The following CMTM8 variants were observed in gnomAD, a reference collection of about 807,000 sequenced individuals.
The protein encoded by CMTM8 is CKLF-like MARVEL transmembrane domain-containing protein 8.
CMTM8 carries 12 observed loss-of-function variants against 18.6 expected under a neutral mutation model. That is an observed-to-expected ratio of 0.65 (90% confidence interval 0.41 to 1.05). CMTM8 has a LOEUF of 1.05. Ranked by LOEUF, CMTM8 falls within the 50% of genes least tolerant of loss-of-function variation. The pLI, the probability that CMTM8 is intolerant of heterozygous loss-of-function variation, is 0.00. For synonymous variants in CMTM8, 87 were observed against 90.6 expected, an observed-to-expected ratio of 0.96 and a Z score of 0.23; for missense variants, 217 against 227.2, an observed-to-expected ratio of 0.95 and a Z score of 0.29.
At chr3:32,293,056 GA>G (rs1361538585) in intron 1 of CMTM8, among the ~76,000 whole-genome samples, 11 of 143,100 alleles carry the variant, frequency 7.7e-5, no homozygotes, top group Admixed American at 2.2e-4. Context: ...CAGAATATAT[GA>G]TGTGTGTATA....
intron 1 of CMTM8, among the ~76,000 whole-genome samples, chr3:32,274,639 C>T (rs2125545726): frequency 6.6e-6 from 1 of 152,186 alleles, no homozygotes. Context: ...TCCTGCATAA[C>T]CACAGTGTAA....
At chr3:32,310,917 G>A (rs1375396048) in intron 1 of CMTM8, among the ~76,000 whole-genome samples, 1 of 152,138 alleles carries the variant, frequency 6.6e-6, no homozygotes, top group African/African-American at 2.4e-5. Context: ...TAATATTTCA[G>A]TAATTAATGA....
intron 1 of CMTM8, among the ~76,000 whole-genome samples, chr3:32,296,765 T>TG (rs1702886005): frequency 6.6e-6 from 1 of 152,170 alleles, no homozygotes; most frequent in Non-Finnish European, 1.5e-5. Flanking sequence ...GTTCCATGGG[T>TG]GGGGGCCTCC....
chr3:32,363,977 T>C (rs1453035810), intron 2 of CMTM8, among the ~76,000 whole-genome samples: 1 of 152,226 alleles, frequency 6.6e-6, no homozygotes, highest in Non-Finnish European at 1.5e-5. Context: ...CAATCTCTTC[T>C]GTCAAGCATG....
At chr3:32,245,822 T>TA (rs1384420436) in intron 1 of CMTM8, among the ~76,000 whole-genome samples, 3 of 152,158 alleles carry the variant, frequency 2.0e-5, no homozygotes, top group Non-Finnish European at 4.4e-5. Context: ...TACTTTGAGA[T>TA]AGAGTCTTGT....
chr3:32,362,277 A>T (rs1696951039), intron 2 of CMTM8, among the ~76,000 whole-genome samples: 1 of 151,946 alleles, frequency 6.6e-6, no homozygotes. Flanking sequence ...TCCTGACCTC[A>T]GGTAATCTGC....
intron 1 of CMTM8, among the ~76,000 whole-genome samples, chr3:32,305,309 C>T (rs762624432): frequency 1.3e-4 from 20 of 150,004 alleles, no homozygotes; most frequent in Non-Finnish European, 2.5e-4. Context: ...CTGCTCACTG[C>T]AAGCTCAGCC....
intron 1 of CMTM8, among the ~76,000 whole-genome samples, chr3:32,323,838 A>G (rs767418828): frequency 6.6e-5 from 10 of 152,224 alleles, no homozygotes; most frequent in Non-Finnish European, 1.0e-4. Context: ...GATAAAATCA[A>G]CACTATCAAG....
At chr3:32,315,777 G>T (rs764093252) in intron 1 of CMTM8, among the ~76,000 whole-genome samples, 20 of 152,270 alleles carry the variant, frequency 1.3e-4, no homozygotes, top group Middle Eastern at 3.4e-3. Flanking sequence ...GGAGCAGATG[G>T]CATATTTTTT....
rs1491405329 is a variant in CMTM8, at chr3:32,330,196, CAT to C, written c.148-27176_148-27175del. The stretch of plus-strand genomic sequence containing the variant: ...GCAATCCCAGTCAAAATCCCAGTGG[CAT>C]TTTTTTTTTTTTTTTTTTTGCAGAA... On this transcript the variant is annotated intron_variant, in intron 1 of 3. Transcript: ENST00000307526. Among the ~76,000 whole-genome samples the C allele has an allele frequency of 3.4e-3, 267 of 77,642 alleles. 1 individual carries two copies. Among genetic ancestry groups the C allele is most frequent in the African/African-American group, 0.012 (251 of 20,516 alleles). 50.9% of individuals were successfully genotyped at this position (77,642 alleles called of 152,430 possible).
At chr3:32,259,892 A>G in intron 1 of CMTM8, 6 of 956,862 alleles carry the variant, frequency 6.3e-6, no homozygotes, top group Non-Finnish European at 4.9e-6. Flanking sequence ...TGTGAAGGCC[A>G]GCCTGGAGAA....
chr3:32,256,553 G>A (rs1702176330), intron 1 of CMTM8, among the ~76,000 whole-genome samples: 1 of 152,224 alleles, frequency 6.6e-6, no homozygotes. Flanking sequence ...TGGTGGTGTA[G>A]CAATAAATTG....
chr3:32,340,635 T>A (rs189949802), intron 1 of CMTM8, among the ~76,000 whole-genome samples: 108 of 152,338 alleles, frequency 7.1e-4, no homozygotes, highest in African/African-American at 1.4e-3. Flanking sequence ...ATAGTAAATA[T>A]TTCAGGCTAT....
chr3:32,310,721 A>G (rs540791106), intron 1 of CMTM8, among the ~76,000 whole-genome samples: 3 of 149,144 alleles, frequency 2.0e-5, no homozygotes, highest in East Asian at 4.8e-4. Flanking sequence ...AAACTAGGAA[A>G]TACTCTGACT....
intron 1 of CMTM8, among the ~76,000 whole-genome samples, chr3:32,255,664 A>G (rs1379940654): frequency 6.6e-6 from 1 of 152,152 alleles, no homozygotes; most frequent in East Asian, 1.9e-4. Context: ...TACTTGAATA[A>G]TAATTTGGTT....
intron 1 of CMTM8, among the ~76,000 whole-genome samples, chr3:32,270,070 A>G (rs890826492): frequency 6.6e-6 from 1 of 151,186 alleles, no homozygotes; most frequent in Non-Finnish European, 1.5e-5. Flanking sequence ...CATTGTACCA[A>G]GCTACCTGGC....
chr3:32,253,905 G>A (rs1285494133), intron 1 of CMTM8, among the ~76,000 whole-genome samples: 1 of 151,620 alleles, frequency 6.6e-6, no homozygotes, highest in Non-Finnish European at 1.5e-5. Flanking sequence ...ATTTTTTTCA[G>A]GGGGGAGGAT....
intron 1 of CMTM8, among the ~76,000 whole-genome samples, chr3:32,352,183 ACAC>A (rs201318098): frequency 0.085 from 10,846 of 127,502 alleles, 649 homozygotes; most frequent in East Asian, 0.19. Context: ...CTGAAAAAAA[ACAC>A]ACACACACAC....
chr3:32,336,652 A>G (rs555828443), intron 1 of CMTM8, among the ~76,000 whole-genome samples: 1 of 152,360 alleles, frequency 6.6e-6, no homozygotes, highest in South Asian at 2.1e-4. Flanking sequence ...TTGTCATTCA[A>G]TAAACGTCTC....
Sources: allele counts gnomAD v4.1 joint callset (sites outside exome capture counted in the v4.1 genomes callset), GRCh38; gene constraint gnomAD v4.1.1; transcripts MANE v1.5; gene names NCBI Gene and HGNC (gene_info 2026-07-23, HGNC 2026-07-21).